Variants in OR1J2 observed in about 807,000 individuals in gnomAD.
The protein encoded by OR1J2 is olfactory receptor family 1 subfamily J member 2, also known as olfactory receptor 1J2.
For synonymous variants in OR1J2, 142 were observed against 99.7 expected (o/e 1.42, Z -2.52); for missense variants, 304 against 246.1 (o/e 1.24, Z -1.57).
chr9:122,533,724 C>T, the OR1J2 span, among the ~76,000 whole-genome samples: 1 of 152,062 alleles, frequency 6.6e-6, no homozygotes, highest in Non-Finnish European at 1.5e-5. Context: ...GTCGTCAATA[C>T]CCACAACAGT....
chr9:122,486,991 C>T, the OR1J2 span, among the ~76,000 whole-genome samples: 2 of 150,788 alleles, frequency 1.3e-5, no homozygotes, highest in South Asian at 2.1e-4. Context: ...ACTGGATTTA[C>T]GAAGGCAGCT....
At chr9:122,558,314 T>C in the OR1J2 span, among the ~76,000 whole-genome samples, 1 of 27,960 alleles carries the variant, frequency 3.6e-5, no homozygotes, top group Admixed American at 3.3e-4. Flanking sequence ...GATTTTGCTT[T>C]TTTTTTTTTT....
At chr9:122,457,581 A>G in the OR1J2 span, among the ~76,000 whole-genome samples, 1 of 152,060 alleles carries the variant, frequency 6.6e-6, no homozygotes, top group Non-Finnish European at 1.5e-5. Context: ...ATTCATGGGA[A>G]AAAAATCAAC....
the OR1J2 span, among the ~76,000 whole-genome samples, chr9:122,478,477 A>T: frequency 6.6e-6 from 1 of 152,158 alleles, no homozygotes; most frequent in African/African-American, 2.4e-5. Context: ...ACAGTGCATG[A>T]TTATTTCTAA....
chr9:122,509,388 T>C (rs942680480), upstream of OR1J2, among the ~76,000 whole-genome samples: 2 of 152,208 alleles, frequency 1.3e-5, no homozygotes, highest in African/African-American at 4.8e-5. Flanking sequence ...TGAGTGTTAT[T>C]GCCTAGGGAG....
chr9:122,451,823 G>A, the OR1J2 span, among the ~76,000 whole-genome samples: 1 of 152,176 alleles, frequency 6.6e-6, no homozygotes, highest in Non-Finnish European at 1.5e-5. Context: ...TCATTGCTCA[G>A]TAAAGTCCAG....
the OR1J2 span, among the ~76,000 whole-genome samples, chr9:122,484,336 A>G: frequency 1.3e-5 from 2 of 151,912 alleles, no homozygotes; most frequent in African/African-American, 4.8e-5. Flanking sequence ...TAATTTTTGT[A>G]TTTTTAGTAG....
chr9:122,533,888 C>T, the OR1J2 span, among the ~76,000 whole-genome samples: 13 of 152,218 alleles, frequency 8.5e-5, no homozygotes, highest in South Asian at 2.7e-3. Flanking sequence ...GATCAGGCAG[C>T]GTCAGTGTTC....
At chr9:122,576,092 T>C in the OR1J2 span, among the ~76,000 whole-genome samples, 1 of 152,246 alleles carries the variant, frequency 6.6e-6, no homozygotes, top group Non-Finnish European at 1.5e-5. Flanking sequence ...AATAATATTG[T>C]AAGGCTGAAT....
the OR1J2 span, among the ~76,000 whole-genome samples, chr9:122,564,122 C>T: frequency 6.6e-6 from 1 of 152,138 alleles, no homozygotes; most frequent in Non-Finnish European, 1.5e-5. Context: ...GACACTGGCT[C>T]TCAACTGATG....
chr9:122,548,803 T>TTTGTTG, the OR1J2 span, among the ~76,000 whole-genome samples: 7,685 of 140,212 alleles, frequency 0.055, 265 homozygotes, highest in Middle Eastern at 0.073. Flanking sequence ...TCCTGTGTGT[T>TTTGTTG]TTGTTGTTGT....
chr9:122,506,151 T>C (rs1287180318), upstream of OR1J2, among the ~76,000 whole-genome samples: 1 of 152,144 alleles, frequency 6.6e-6, no homozygotes, highest in African/African-American at 2.4e-5. Flanking sequence ...TATTTAAACA[T>C]GATTGGAGTC....
At chr9:122,552,057 A>ACTCTCT in the OR1J2 span, among the ~76,000 whole-genome samples, 26 of 144,174 alleles carry the variant, frequency 1.8e-4, no homozygotes, top group Middle Eastern at 3.5e-3. Context: ...ACACACATAC[A>ACTCTCT]CTCTCTCTCT....
the OR1J2 span, among the ~76,000 whole-genome samples, chr9:122,571,495 A>C: frequency 6.6e-6 from 1 of 150,714 alleles, no homozygotes; most frequent in Non-Finnish European, 1.5e-5. Flanking sequence ...GGTTGCAGTG[A>C]GCTGAGATTT....
chr9:122,469,499 G>A, the OR1J2 span, among the ~76,000 whole-genome samples: 4 of 152,116 alleles, frequency 2.6e-5, no homozygotes, highest in Admixed American at 1.3e-4. Flanking sequence ...TTTTTCTTCC[G>A]AGTCTTGGGT....
the OR1J2 span, among the ~76,000 whole-genome samples, chr9:122,479,019 C>G: frequency 4.2e-3 from 635 of 152,258 alleles, 5 homozygotes; most frequent in African/African-American, 0.015. Flanking sequence ...TGAGCCACTG[C>G]ACCCAGCCTA....
chr9:122,477,106 G>C, the OR1J2 span: 1 of 1,613,704 alleles, frequency 6.2e-7, no homozygotes. Context: ...TATCACTGAA[G>C]CAATTATGTT....
chr9:122,472,630 T>C, the OR1J2 span, among the ~76,000 whole-genome samples: 2 of 152,188 alleles, frequency 1.3e-5, no homozygotes, highest in African/African-American at 4.8e-5. Flanking sequence ...TTCAATATTA[T>C]AAAGGTATAA....
downstream of OR1J2, among the ~76,000 whole-genome samples, chr9:122,515,848 T>C (rs1485931023): frequency 6.6e-6 from 1 of 152,136 alleles, no homozygotes; most frequent in Non-Finnish European, 1.5e-5. Flanking sequence ...TAGTGTATTC[T>C]TAAACCTTCA....
Sources: gnomAD v4.1 joint callset for allele counts (sites outside exome capture counted in the v4.1 genomes callset) on GRCh38, gnomAD v4.1.1 for gene constraint, MANE v1.5 for transcripts, NCBI Gene and HGNC (gene_info 2026-07-23, HGNC 2026-07-21) for gene names.